L3MBTL4: variants seen among roughly 807,000 people sequenced by gnomAD.
L3MBTL4 encodes lethal(3)malignant brain tumor-like protein 4.
Under a neutral mutation model 84.5 loss-of-function variants are expected in L3MBTL4, and 70 were observed. The ratio of observed to expected loss-of-function variants is 0.83; its 90% CI spans 0.68 to 1.01. L3MBTL4 has a LOEUF of 1.01. Among genes scored for constraint, L3MBTL4 ranks in the 50% least tolerant of loss-of-function variants. The probability of loss-of-function intolerance (pLI) is 0.00; values close to 1 mark genes in which losing one functional copy is unlikely to be tolerated. For synonymous variants in L3MBTL4, 274 were observed against 259.8 expected (o/e 1.05, Z -0.52); for missense variants, 715 against 754.8 (o/e 0.95, Z 0.62).
chr18:6,315,357 C>A (rs1043736256), intron 1 of L3MBTL4, among the ~76,000 whole-genome samples: 1 of 152,130 alleles, frequency 6.6e-6, no homozygotes, highest in Non-Finnish European at 1.5e-5. Context: ...CAAATGAATG[C>A]ATTTTGATAA....
rs534565634 is a variant in L3MBTL4, at chr18:6,032,088, C to A, written c.1444+48793G>T. ...TGCCTCCCAGGTTCAAGCAATTCTCCTGCCTCAGCTTCCCCAGTAGGTGGG... is the reference window on the plus strand; with the variant it reads ...TGCCTCCCAGGTTCAAGCAATTCTCATGCCTCAGCTTCCCCAGTAGGTGGG... On this transcript the variant is annotated intron_variant, in intron 16 of 18. Coordinates refer to ENST00000317931, the MANE Select transcript of L3MBTL4 (RefSeq NM_001330559.2). The A allele has an allele frequency of 2.9e-5, 6 of 204,362 alleles. No homozygotes were observed. In the South Asian group the frequency reaches 4.6e-4, roughly 16 times the overall value. 12.7% of individuals were successfully genotyped at this position (204,362 alleles called of 1,614,324 possible). A position where few individuals can be genotyped will look rare whatever the true frequency, so the allele number is the denominator to read the frequency against.
At chr18:6,335,832 T>A (rs1339167287) in intron 1 of L3MBTL4, among the ~76,000 whole-genome samples, 1 of 152,190 alleles carries the variant, frequency 6.6e-6, no homozygotes, top group Non-Finnish European at 1.5e-5. Context: ...GGATTTTAAG[T>A]CTCCTGAGGC....
intron 10 of L3MBTL4, among the ~76,000 whole-genome samples, chr18:6,219,657 G>T (rs2145869078): frequency 6.6e-6 from 1 of 151,636 alleles, no homozygotes; most frequent in Non-Finnish European, 1.5e-5. Flanking sequence ...CGGTAGATCT[G>T]GGTGACAAAT....
intron 16 of L3MBTL4, among the ~76,000 whole-genome samples, chr18:6,007,359 G>A (rs9963603): frequency 0.49 from 73,524 of 151,332 alleles, 20,099 homozygotes; most frequent in Non-Finnish European, 0.65. Flanking sequence ...AAACTTACTT[G>A]TAATTAAAAA....
intron 16 of L3MBTL4, chr18:6,031,860 T>C (rs2055819490): frequency 2.0e-6 from 2 of 982,658 alleles, no homozygotes; most frequent in Non-Finnish European, 2.4e-6. Context: ...AAGTACAGTT[T>C]TGTTACACAG....
intron 1 of L3MBTL4, among the ~76,000 whole-genome samples, chr18:6,317,642 G>C (rs919771670): frequency 6.6e-6 from 1 of 152,192 alleles, no homozygotes; most frequent in Non-Finnish European, 1.5e-5. Context: ...TGGTGTTCCT[G>C]AGGGAGAAGA....
chr18:6,051,211 G>A (rs144360850), intron 16 of L3MBTL4, among the ~76,000 whole-genome samples: 165 of 152,332 alleles, frequency 1.1e-3, no homozygotes, highest in African/African-American at 3.8e-3. Flanking sequence ...TGCCGCTGAG[G>A]TCATGACAGT....
intron 10 of L3MBTL4, among the ~76,000 whole-genome samples, chr18:6,227,884 C>A (rs2046841846): frequency 6.6e-6 from 1 of 152,056 alleles, no homozygotes; most frequent in South Asian, 2.1e-4. Context: ...CCAGTCTGGT[C>A]TTAAACTCCT....
At chr18:6,168,354 G>A (rs1296811016) in intron 13 of L3MBTL4, among the ~76,000 whole-genome samples, 4 of 152,064 alleles carry the variant, frequency 2.6e-5, no homozygotes, top group African/African-American at 9.7e-5. Flanking sequence ...AACCAAAAAA[G>A]AGCCCGCATT....
At chr18:6,169,613 G>T (rs534945586) in intron 13 of L3MBTL4, among the ~76,000 whole-genome samples, 1 of 149,200 alleles carries the variant, frequency 6.7e-6, no homozygotes, top group African/African-American at 2.5e-5. Flanking sequence ...CTCACTCATA[G>T]GTGGGAATTG....
chr18:6,229,739 C>T (rs2046918153), intron 10 of L3MBTL4, among the ~76,000 whole-genome samples: 1 of 152,036 alleles, frequency 6.6e-6, no homozygotes. Flanking sequence ...CTCTCTTTTC[C>T]CCACTGAATA....
At position 6,238,119 on chromosome 18, in the gene L3MBTL4, A is replaced by C; in HGVS notation, c.708-79T>G. ...AATTCAAGAGTAACAATCATTCTGG[A>C]TATCAACAGATACCACAGAAAACAG... On this transcript the variant is annotated intron_variant, in intron 9 of 18. Coordinates refer to ENST00000317931, the MANE Select transcript of L3MBTL4 (RefSeq NM_001330559.2). The C allele has an allele frequency of 3.3e-6, 4 of 1,216,472 alleles. No homozygotes were observed. In the South Asian group the frequency reaches 4.8e-5, roughly 15 times the overall value. 75.4% of individuals were successfully genotyped at this position (1,216,472 alleles called of 1,614,324 possible). A position where few individuals can be genotyped will look rare whatever the true frequency, so the allele number is the denominator to read the frequency against.
chr18:6,268,441 G>T (rs1450622242), intron 4 of L3MBTL4, among the ~76,000 whole-genome samples: 1 of 152,132 alleles, frequency 6.6e-6, no homozygotes, highest in East Asian at 1.9e-4. Flanking sequence ...TAAAGGAAAG[G>T]AAGACAGGCA....
intron 1 of L3MBTL4, chr18:6,395,811 A>G (rs1405978471): frequency 1.3e-5 from 2 of 152,208 alleles, no homozygotes; most frequent in Non-Finnish European, 2.9e-5. Flanking sequence ...TTTAACTCCC[A>G]TGGATATTAT....
Position 6,171,897 on chromosome 18 carries a change from C to T in L3MBTL4, c.1027G>A (p.Ala343Thr), listed in dbSNP as rs867629369. 6.4e-7 allele frequency: 1 copy of T among 1,557,148 alleles called. No individual in the cohort carries two copies. Among genetic ancestry groups the T allele is most frequent in the Admixed American group, 1.9e-5 (1 of 51,660 alleles). The change falls in exon 13 of 19, where the codon GCA (alanine) becomes ACA (threonine). Residue 343 changes from alanine (A) to threonine (T), a missense_variant. By Grantham distance (58) the Ala-to-Thr change is moderately conservative. Transcript: ENST00000317931. ...WDHKYDYWVE[A>T]DSPDIHPIGW... ...ATCGGGTGGATATCAGGGCTGTCTGCCTCCACCCAGTAGTCATACTTATGG... is the reference window on the plus strand; with the variant it reads ...ATCGGGTGGATATCAGGGCTGTCTGTCTCCACCCAGTAGTCATACTTATGG...
rs879396810 is a variant in L3MBTL4 at position 5,958,136 on chromosome 18, GAAGAAGAAGAAGAAGAAGAAGAAC to G, written c.1678-1773_1678-1750del. 7.5e-3 allele frequency among the ~76,000 whole-genome samples: 454 copies of G among 60,522 alleles called. 10 individuals carry two copies. The highest frequency in any genetic ancestry group is 0.024 in the East Asian group (52 of 2,140). The allele number at this position is 60,522 out of a possible 152,430, so 39.7% of individuals were successfully genotyped here. ...AGAAGAAGAAGAAGAAGAAAAAGAA[GAAGAAGAAGAAGAAGAAGAAGAAC>G]AAGAAGAAGAAGAAGACGACGAAGA... On this transcript the variant is annotated intron_variant, in intron 18 of 18. Coordinates refer to ENST00000317931, the MANE Select transcript of L3MBTL4 (RefSeq NM_001330559.2).
At chr18:6,209,986 G>A (rs1479190591) in intron 12 of L3MBTL4, among the ~76,000 whole-genome samples, 1 of 152,124 alleles carries the variant, frequency 6.6e-6, no homozygotes, top group East Asian at 1.9e-4. Context: ...CCAGGGGCTT[G>A]GTTGGGTAGA....
At chr18:6,236,052 A>G (rs1466558047) in intron 10 of L3MBTL4, among the ~76,000 whole-genome samples, 3 of 152,244 alleles carry the variant, frequency 2.0e-5, no homozygotes, top group Admixed American at 1.3e-4. Context: ...CACCACTATC[A>G]AAACCCCAGC....
chr18:6,145,062 T>C (rs1156626223), intron 13 of L3MBTL4, among the ~76,000 whole-genome samples: 1 of 152,244 alleles, frequency 6.6e-6, no homozygotes, highest in African/African-American at 2.4e-5. Flanking sequence ...AGCAATTTTA[T>C]TTTGATTTTT....
Sources: gnomAD v4.1 joint callset for allele counts (sites outside exome capture counted in the v4.1 genomes callset) on GRCh38, gnomAD v4.1.1 for gene constraint, MANE v1.5 for transcripts, NCBI Gene and HGNC (gene_info 2026-07-23, HGNC 2026-07-21) for gene names.